The following MYOCOS variants were observed in gnomAD, a reference collection of about 807,000 sequenced individuals.
MYOCOS encodes the protein myocilin opposite strand protein.
At chr1:171,604,526 A>C (rs1652206922) in intron 1 of MYOCOS, 1 of 152,208 alleles carries the variant, frequency 6.6e-6, no homozygotes, top group African/African-American at 2.4e-5. Flanking sequence ...GACTCCTTTG[A>C]ACCTCCCATG....
chr1:171,602,124 A>G (rs1342162429), intron 1 of MYOCOS, among the ~76,000 whole-genome samples: 1 of 152,156 alleles, frequency 6.6e-6, no homozygotes, highest in Non-Finnish European at 1.5e-5. Context: ...AGAGTGTTAT[A>G]TGGTAAATTC....
In MYOCOS at chr1:171,626,571, T is replaced by G; in HGVS notation, c.213T>G (p.Pro71=). 2.5e-6 allele frequency: 1 copy of G among 398,622 alleles called. No individual in the cohort carries two copies. The highest frequency in any genetic ancestry group is 3.6e-5 in the East Asian group (1 of 28,086). 24.7% of individuals were successfully genotyped at this position (398,622 alleles called of 1,614,324 possible). ...TCACAGTACCTCCTGCCCCACCTCCTTCTCCAGCTGAGGATCCCACGGTCT... is the reference window on the plus strand; with the variant it reads ...TCACAGTACCTCCTGCCCCACCTCCGTCTCCAGCTGAGGATCCCACGGTCT... The part of the protein sequence containing the change: ...TYLTVPPAPP[P]SPAEDPTVS The change falls in exon 3 of 3, where the codon CCT becomes CCG. Residue 71 remains proline, a synonymous_variant. Transcript: ENST00000637642.
At chr1:171,625,356 T>C (rs908045146) in intron 2 of MYOCOS, among the ~76,000 whole-genome samples, 16 of 152,208 alleles carry the variant, frequency 1.1e-4, no homozygotes, top group African/African-American at 2.9e-4. Flanking sequence ...AGCAGTGAAC[T>C]TGTGGCCAGA....
At chr1:171,603,654 G>A (rs964792455) in intron 1 of MYOCOS, among the ~76,000 whole-genome samples, 3 of 152,204 alleles carry the variant, frequency 2.0e-5, no homozygotes, top group South Asian at 2.1e-4. Flanking sequence ...GTCGGCCCCC[G>A]CCATGAGGCT....
intron 1 of MYOCOS, among the ~76,000 whole-genome samples, chr1:171,610,089 T>C (rs1456683653): frequency 6.6e-6 from 1 of 152,200 alleles, no homozygotes; most frequent in African/African-American, 2.4e-5. Flanking sequence ...AAAGAAAGCA[T>C]CTAAAACAAG....
intron 2 of MYOCOS, among the ~76,000 whole-genome samples, chr1:171,625,573 T>C (rs1362819741): frequency 6.6e-6 from 1 of 152,242 alleles, no homozygotes; most frequent in Non-Finnish European, 1.5e-5. Flanking sequence ...CTTGACAGGC[T>C]AGTCCTATGC....
intron 1 of MYOCOS, among the ~76,000 whole-genome samples, chr1:171,612,007 A>G (rs564585845): frequency 1.3e-5 from 2 of 152,306 alleles, no homozygotes; most frequent in Non-Finnish European, 2.9e-5. Flanking sequence ...TGTAGGGGCC[A>G]GAGAAATAAA....
chr1:171,603,933 C>A, intron 1 of MYOCOS, among the ~76,000 whole-genome samples: 1 of 152,286 alleles, frequency 6.6e-6, no homozygotes, highest in Non-Finnish European at 1.5e-5. Context: ...TACCAAAGGA[C>A]ACCATTAGCT....
At chr1:171,601,917 C>T (rs992068784) in intron 1 of MYOCOS, among the ~76,000 whole-genome samples, 1 of 151,754 alleles carries the variant, frequency 6.6e-6, no homozygotes, top group Non-Finnish European at 1.5e-5. Context: ...AATTGAAATC[C>T]CAAACTTACA....
chr1:171,626,377 C>T, intron 2 of MYOCOS, 77 bp from the exon 3 acceptor site: 1 of 396,532 alleles, frequency 2.5e-6, no homozygotes, highest in Non-Finnish European at 4.4e-6. Flanking sequence ...CCACCATGCC[C>T]AGTCTGTTTC....
chr1:171,612,982 G>A (rs557064010), intron 1 of MYOCOS, among the ~76,000 whole-genome samples: 3 of 152,164 alleles, frequency 2.0e-5, no homozygotes, highest in East Asian at 1.9e-4. Context: ...TTAGAGCTGG[G>A]CCAGAACTCA....
chr1:171,623,718 T>G (rs1291120863), intron 1 of MYOCOS, 123 bp from the exon 2 acceptor site: 1 of 396,040 alleles, frequency 2.5e-6, no homozygotes, highest in South Asian at 1.4e-4. Flanking sequence ...GGCCAGGCTG[T>G]AGGGAGGACC....
intron 1 of MYOCOS, among the ~76,000 whole-genome samples, chr1:171,613,816 TGA>T (rs1234876700): frequency 6.6e-5 from 10 of 152,182 alleles, no homozygotes; most frequent in African/African-American, 2.2e-4. Flanking sequence ...ATTAGAGGTG[TGA>T]GCCACCACAC....
chr1:171,613,645 T>G (rs1158804273), intron 1 of MYOCOS, among the ~76,000 whole-genome samples: 2 of 152,120 alleles, frequency 1.3e-5, no homozygotes, highest in Non-Finnish European at 2.9e-5. Context: ...ACTCCTGGGC[T>G]CAAGTGATCC....
chr1:171,608,581 C>T (rs951637175), intron 1 of MYOCOS, among the ~76,000 whole-genome samples: 9 of 151,864 alleles, frequency 5.9e-5, no homozygotes, highest in Non-Finnish European at 4.4e-5. Context: ...CCATGCCTCA[C>T]TAGTTTTGTT....
chr1:171,608,399 G>A (rs1247922272), intron 1 of MYOCOS, among the ~76,000 whole-genome samples: 2 of 147,038 alleles, frequency 1.4e-5, no homozygotes, highest in Non-Finnish European at 3.0e-5. Context: ...TTGAGTCCAG[G>A]GAACCAGACT....
At chr1:171,609,797 G>C (rs1316697667) in intron 1 of MYOCOS, among the ~76,000 whole-genome samples, 1 of 152,082 alleles carries the variant, frequency 6.6e-6, no homozygotes, top group Non-Finnish European at 1.5e-5. Flanking sequence ...CACTGCACCC[G>C]GCCAACAAGT....
chr1:171,603,858 G>A (rs1652190428), intron 1 of MYOCOS, among the ~76,000 whole-genome samples: 1 of 152,210 alleles, frequency 6.6e-6, no homozygotes, highest in African/African-American at 2.4e-5. Context: ...ACAAGAAGCA[G>A]ATAAGCTAAC....
intron 1 of MYOCOS, among the ~76,000 whole-genome samples, chr1:171,605,738 A>G (rs566487464): frequency 5.9e-5 from 9 of 152,320 alleles, no homozygotes; most frequent in African/African-American, 2.2e-4. Flanking sequence ...AAAATTATAC[A>G]ATACTATAAG....
Sources: gnomAD v4.1 joint callset for allele counts (sites outside exome capture counted in the v4.1 genomes callset) on GRCh38, gnomAD v4.1.1 for gene constraint, MANE v1.5 for transcripts, NCBI Gene and HGNC (gene_info 2026-07-23, HGNC 2026-07-21) for gene names.